The following XCR1 variants were observed in gnomAD, a reference collection of about 807,000 sequenced individuals.
XCR1 encodes chemokine XC receptor 1.
For synonymous variants in XCR1, 187 were observed against 188.5 expected, an observed-to-expected ratio of 0.99 and a Z score of 0.06; for missense variants, 356 against 424.2, an observed-to-expected ratio of 0.84 and a Z score of 1.41.
At chr3:46,040,979 A>G (rs564718008) in intron 5 of XCR1, among the ~76,000 whole-genome samples, 43 of 152,240 alleles carry the variant, frequency 2.8e-4, no homozygotes, top group Non-Finnish European at 4.4e-5. Context: ...TTTTTGTTTG[A>G]AATATTGCCG....
intron 1 of XCR1, chr3:46,023,173 G>A: frequency 4.7e-6 from 2 of 427,936 alleles, no homozygotes; most frequent in Admixed American, 4.4e-5. Context: ...GGGGCCTGAG[G>A]AGGAAGTGGA....
rs1697739527 is a variant in XCR1, at chr3:46,051,349, AAAGTAC to A, written c.-32+2565_-32+2570del. Among the ~76,000 whole-genome samples the A allele has an allele frequency of 5.3e-5, 8 of 152,356 alleles. No individual in the cohort carries two copies. The South Asian group carries it at 1.7e-3, about 32-fold the overall frequency. ...AGCTATATTTGTGACATAAGGCTGA[AAAGTAC>A]ATGACTGTCCATCCAGACCAAGACA... is the stretch of plus-strand genomic sequence containing the variant. On this transcript the variant is annotated intron_variant, in intron 5 of 5. Coordinates refer to the XCR1 transcript ENST00000683768.
At chr3:46,069,955 A>G (rs1244166773) in intron 3 of XCR1, among the ~76,000 whole-genome samples, 1 of 150,974 alleles carries the variant, frequency 6.6e-6, no homozygotes, top group Non-Finnish European at 1.5e-5. Flanking sequence ...CTTCTCTCTT[A>G]GCACTGCTTT....
chr3:46,084,855 A>T (rs1698443225), intron 1 of XCR1, among the ~76,000 whole-genome samples: 1 of 152,180 alleles, frequency 6.6e-6, no homozygotes, highest in Non-Finnish European at 1.5e-5. Context: ...TATGCTCACT[A>T]CCTGGGCGAT....
chr3:46,030,922 G>A (rs1708383255), upstream of XCR1, among the ~76,000 whole-genome samples: 1 of 152,270 alleles, frequency 6.6e-6, no homozygotes. Context: ...AGGTGTAGCT[G>A]GGACTTTCAG....
chr3:46,033,958 A>G (rs1350575951), intron 5 of XCR1, among the ~76,000 whole-genome samples: 2 of 146,588 alleles, frequency 1.4e-5, no homozygotes, highest in African/African-American at 5.3e-5. Context: ...TCAAATTTCA[A>G]GTGTTCATTG....
chr3:46,072,319 G>C (rs565826617), intron 3 of XCR1, among the ~76,000 whole-genome samples: 2 of 152,128 alleles, frequency 1.3e-5, no homozygotes, highest in South Asian at 4.1e-4. Flanking sequence ...AGCAGTTCGA[G>C]ACCAGCCTGG....
intron 3 of XCR1, among the ~76,000 whole-genome samples, chr3:46,071,669 A>G (rs1698165615): frequency 6.6e-6 from 1 of 152,218 alleles, no homozygotes; most frequent in African/African-American, 2.4e-5. Flanking sequence ...GCAAATCAAT[A>G]CATGTGATTC....
At chr3:46,025,412 T>G (rs914820219) in intron 1 of XCR1, among the ~76,000 whole-genome samples, 2 of 149,304 alleles carry the variant, frequency 1.3e-5, no homozygotes, top group African/African-American at 4.9e-5. Context: ...TCAAAAGAAA[T>G]AAAGAAAGAG....
chr3:46,026,414 A>G (rs1708288515), intron 1 of XCR1, among the ~76,000 whole-genome samples: 2 of 152,146 alleles, frequency 1.3e-5, no homozygotes, highest in African/African-American at 2.4e-5. Context: ...ACTGTAATAT[A>G]ATTTAGATTG....
chr3:46,070,684 AG>A (rs1222825901), intron 3 of XCR1, among the ~76,000 whole-genome samples: 2 of 151,938 alleles, frequency 1.3e-5, no homozygotes, highest in Non-Finnish European at 2.9e-5. Context: ...GTTCCTCGTA[AG>A]CAGCATGCAG....
At chr3:46,059,765 T>C (rs4490403) in intron 4 of XCR1, among the ~76,000 whole-genome samples, 106,633 of 151,774 alleles carry the variant, frequency 0.7, 38,306 homozygotes, top group East Asian at 0.94. Flanking sequence ...TTTATTGAGG[T>C]GTGTGTAAAT....
At chr3:46,057,908 C>CTATCTATCTATA (rs1697882094) in intron 4 of XCR1, among the ~76,000 whole-genome samples, 1 of 145,972 alleles carries the variant, frequency 6.9e-6, no homozygotes, top group African/African-American at 2.7e-5. Flanking sequence ...ATCTATCTAT[C>CTATCTATCTATA]TATCTATCTA....
chr3:46,079,157 G>A (rs1423509455), intron 1 of XCR1, among the ~76,000 whole-genome samples: 1 of 152,064 alleles, frequency 6.6e-6, no homozygotes, highest in Non-Finnish European at 1.5e-5. Flanking sequence ...AAATCTGAGC[G>A]CTCTTTTAAG....
intron 2 of XCR1, among the ~76,000 whole-genome samples, chr3:46,076,037 T>C (rs551292504): frequency 6.6e-6 from 1 of 152,266 alleles, no homozygotes; most frequent in Admixed American, 6.5e-5. Flanking sequence ...TATGTGTTAG[T>C]CAGGGTTCTC....
intron 2 of XCR1, among the ~76,000 whole-genome samples, chr3:46,076,367 C>CTT (rs1698260184): frequency 6.6e-6 from 1 of 152,112 alleles, no homozygotes; most frequent in Admixed American, 6.5e-5. Context: ...GAAATCTGGG[C>CTT]CGTTCCTACT....
At chr3:46,072,223 A>T (rs151320870) in intron 3 of XCR1, among the ~76,000 whole-genome samples, 1 of 152,288 alleles carries the variant, frequency 6.6e-6, no homozygotes, top group East Asian at 1.9e-4. Flanking sequence ...CAACAACAAC[A>T]ACAAACCACC....
At chr3:46,038,679 A>C (rs1008288857) in intron 5 of XCR1, among the ~76,000 whole-genome samples, 6 of 152,158 alleles carry the variant, frequency 3.9e-5, no homozygotes, top group African/African-American at 1.4e-4. Flanking sequence ...TGATCTTGAG[A>C]ACTATGAGAG....
intron 5 of XCR1, among the ~76,000 whole-genome samples, chr3:46,037,905 G>C (rs1427197333): frequency 1.3e-5 from 2 of 152,092 alleles, no homozygotes; most frequent in Non-Finnish European, 2.9e-5. Context: ...TAAGGTACTT[G>C]TACGGGTCAT....
Sources: allele counts gnomAD v4.1 joint callset (sites outside exome capture counted in the v4.1 genomes callset), GRCh38; gene constraint gnomAD v4.1.1; transcripts MANE v1.5; gene names NCBI Gene and HGNC (gene_info 2026-07-23, HGNC 2026-07-21).